The following KSR2 variants were observed in gnomAD, a reference collection of about 807,000 sequenced individuals.
KSR2 encodes kinase suppressor of ras 2.
Under a neutral mutation model 107.8 loss-of-function variants are expected in KSR2, and 25 were observed. That is an observed-to-expected ratio of 0.23 (90% CI 0.17 to 0.32). The LOEUF is 0.32. KSR2 is among the 10% of genes least tolerant of loss of function. The probability of loss-of-function intolerance (pLI) is 1.00; values close to 1 mark genes in which losing one functional copy is unlikely to be tolerated. For missense variants in KSR2, 887 were observed against 1,268.9 expected (o/e 0.70, Z 4.57); for synonymous variants, 480 against 507.0 (o/e 0.95, Z 0.71).
intron 5 of KSR2, among the ~76,000 whole-genome samples, chr12:117,656,453 A>G (rs1008979771): frequency 1.1e-4 from 17 of 152,158 alleles, no homozygotes; most frequent in African/African-American, 4.1e-4. Context: ...AACCTCTACT[A>G]AAAATACAAA....
At chr12:117,688,905 T>G (rs1335748614) in intron 4 of KSR2, among the ~76,000 whole-genome samples, 1 of 152,132 alleles carries the variant, frequency 6.6e-6, no homozygotes, top group African/African-American at 2.4e-5. Context: ...ATCTCCTTCT[T>G]TCCTTCCTTC....
intron 4 of KSR2, among the ~76,000 whole-genome samples, chr12:117,738,342 C>T (rs959727464): frequency 4.6e-5 from 7 of 152,126 alleles, no homozygotes; most frequent in African/African-American, 9.7e-5. Context: ...TTCCAAGAAA[C>T]GCACCGTTAG....
intron 1 of KSR2, among the ~76,000 whole-genome samples, chr12:117,951,185 G>A (rs951053680): frequency 5.3e-5 from 8 of 152,246 alleles, no homozygotes; most frequent in African/African-American, 1.9e-4. Context: ...TGGGATTACA[G>A]GTGTGAGCCA....
chr12:117,762,411 C>A (rs1889069096), intron 3 of KSR2, among the ~76,000 whole-genome samples: 1 of 152,170 alleles, frequency 6.6e-6, no homozygotes, highest in Non-Finnish European at 1.5e-5. Context: ...GCCAACTATG[C>A]CCTTTGCTTG....
intron 10 of KSR2, 98 bp from the exon 11 acceptor site, chr12:117,531,805 G>T (rs1875655758): frequency 1.2e-6 from 1 of 814,640 alleles, no homozygotes; most frequent in Non-Finnish European, 1.9e-6. Context: ...GTCATTCTCT[G>T]CCCACCTTCA....
intron 5 of KSR2, among the ~76,000 whole-genome samples, chr12:117,588,929 T>C (rs1880162026): frequency 6.6e-6 from 1 of 152,242 alleles, no homozygotes; most frequent in Non-Finnish European, 1.5e-5. Context: ...CAGACATATT[T>C]ACCGTATGTA....
chr12:117,496,942 C>T (rs758282220), intron 14 of KSR2, among the ~76,000 whole-genome samples: 23 of 151,710 alleles, frequency 1.5e-4, no homozygotes, highest in Non-Finnish European at 2.9e-4. Context: ...CCTCTGCCTC[C>T]CGGGTTCAAG....
At chr12:117,806,615 T>C (rs1413449912) in intron 3 of KSR2, among the ~76,000 whole-genome samples, 1 of 152,152 alleles carries the variant, frequency 6.6e-6, no homozygotes, top group African/African-American at 2.4e-5. Flanking sequence ...CTTAAAAACA[T>C]TTATATCACC....
chr12:117,867,461 T>C (rs1293710598), intron 1 of KSR2, among the ~76,000 whole-genome samples: 1 of 152,190 alleles, frequency 6.6e-6, no homozygotes, highest in African/African-American at 2.4e-5. Flanking sequence ...CCTGTGTCCA[T>C]ACCCTTTGCA....
chr12:117,609,026 G>A (rs1479979621), intron 5 of KSR2, among the ~76,000 whole-genome samples: 1 of 151,936 alleles, frequency 6.6e-6, no homozygotes, highest in Non-Finnish European at 1.5e-5. Context: ...TATTCCCCTT[G>A]GTCTATCCCT....
At chr12:117,638,990 C>A (rs968246374) in intron 5 of KSR2, among the ~76,000 whole-genome samples, 2 of 152,164 alleles carry the variant, frequency 1.3e-5, no homozygotes, top group African/African-American at 4.8e-5. Flanking sequence ...CGGGATTTAG[C>A]CCTGCACCTA....
intron 5 of KSR2, 146 bp downstream of exon 5, chr12:117,667,328 T>C: frequency 1.3e-6 from 1 of 785,798 alleles, no homozygotes; most frequent in South Asian, 1.7e-5. Flanking sequence ...TGTGGGCAGA[T>C]GATGGGTGAA....
chr12:117,625,904 T>C (rs1396808972), intron 5 of KSR2, among the ~76,000 whole-genome samples: 1 of 152,204 alleles, frequency 6.6e-6, no homozygotes. Context: ...TATTCAGAGA[T>C]TCAATTTCTT....
intron 1 of KSR2, chr12:117,889,560 G>A (rs1056623991): frequency 2.0e-5 from 3 of 152,192 alleles, no homozygotes; most frequent in African/African-American, 4.8e-5. Context: ...ATAACGAGAC[G>A]TGGGGCCATA....
At chr12:117,815,390 C>G (rs1210494927) in intron 3 of KSR2, among the ~76,000 whole-genome samples, 2 of 151,774 alleles carry the variant, frequency 1.3e-5, no homozygotes, top group Non-Finnish European at 2.9e-5. Context: ...CTCCGTGATA[C>G]ATGTATAAGA....
chr12:117,867,680 G>A (rs765468652), intron 1 of KSR2, among the ~76,000 whole-genome samples: 4 of 152,124 alleles, frequency 2.6e-5, no homozygotes, highest in Non-Finnish European at 5.9e-5. Flanking sequence ...TTTCCCAGAC[G>A]TCCCAGCCAA....
intron 3 of KSR2, among the ~76,000 whole-genome samples, chr12:117,825,794 G>C (rs1891721796): frequency 1.3e-5 from 2 of 152,076 alleles, no homozygotes; most frequent in South Asian, 4.1e-4. Flanking sequence ...CTATATATTA[G>C]ATGGAGGAAT....
intron 1 of KSR2, among the ~76,000 whole-genome samples, chr12:117,953,977 C>A (rs1282604362): frequency 6.6e-6 from 1 of 152,058 alleles, no homozygotes; most frequent in South Asian, 2.1e-4. Flanking sequence ...GTAGTCCCAG[C>A]TACTCAGGAG....
At chr12:117,554,389 GAA>G (rs1031367555) in intron 9 of KSR2, among the ~76,000 whole-genome samples, 14 of 152,164 alleles carry the variant, frequency 9.2e-5, no homozygotes, top group Admixed American at 6.5e-5. Flanking sequence ...CAGAAGCTCA[GAA>G]ATAGACCCCT....
Sources: gnomAD v4.1 joint callset for allele counts (sites outside exome capture counted in the v4.1 genomes callset) on GRCh38, gnomAD v4.1.1 for gene constraint, MANE v1.5 for transcripts, NCBI Gene and HGNC (gene_info 2026-07-23, HGNC 2026-07-21) for gene names.